Variants in GRM7 observed in about 807,000 individuals in gnomAD.
The protein encoded by GRM7 is glutamate metabotropic receptor 7, also known as metabotropic glutamate receptor 7.
In GRM7, 35 loss-of-function variants were observed where a neutral mutation model predicts 84.5. That is an observed-to-expected ratio of 0.41 (90% CI 0.32 to 0.55). The LOEUF is 0.55. Among genes scored for constraint, GRM7 ranks in the 20% least tolerant of loss-of-function variants. The pLI is 0.19. For synonymous variants in GRM7, 487 were observed against 455.1 expected, an observed-to-expected ratio of 1.07 and a Z score of -0.89; for missense variants, 1,003 against 1,194.6, an observed-to-expected ratio of 0.84 and a Z score of 2.36.
intron 1 of GRM7, among the ~76,000 whole-genome samples, chr3:7,103,239 A>G (rs1027419974): frequency 5.9e-5 from 9 of 151,768 alleles, no homozygotes; most frequent in Non-Finnish European, 1.2e-4. Context: ...AGAATTGTGG[A>G]AACTTTGTTT....
At chr3:7,391,394 T>C (rs1180241016) in intron 4 of GRM7, among the ~76,000 whole-genome samples, 2 of 151,756 alleles carry the variant, frequency 1.3e-5, no homozygotes, top group Admixed American at 6.6e-5. Context: ...AAAGGATGAG[T>C]TCATGTACTT....
Position 7,689,580 on chromosome 3 carries a change from A to G in GRM7, c.2698+9285A>G, listed in dbSNP as rs562799622. Among the ~76,000 whole-genome samples the G allele has an allele frequency of 9.1e-4, 138 of 152,316 alleles. 1 individual carries two copies. The South Asian group carries it at 0.027, about 30-fold the overall frequency. On this transcript the variant is annotated intron_variant, in intron 9 of 9. Transcript: ENST00000357716. ...GGCTTGATATCTCAGCATATCTTCA[A>G]AATCCAATTAATATCTGCCGTCTTG...
intron 4 of GRM7, among the ~76,000 whole-genome samples, chr3:7,406,317 G>C (rs1309509646): frequency 6.6e-6 from 1 of 151,994 alleles, no homozygotes. Context: ...TGGCTAACAA[G>C]GTGCAACCCC....
At chr3:7,202,797 A>G (rs1375452283) in intron 2 of GRM7, among the ~76,000 whole-genome samples, 1 of 152,200 alleles carries the variant, frequency 6.6e-6, no homozygotes, top group African/African-American at 2.4e-5. Context: ...CTGTCTTTTT[A>G]TCTTTATGAA....
chr3:7,326,566 G>T (rs767411898), intron 4 of GRM7, among the ~76,000 whole-genome samples: 2 of 152,044 alleles, frequency 1.3e-5, no homozygotes, highest in African/African-American at 4.8e-5. Context: ...GGAGACTGGG[G>T]GCTGGGCACA....
intron 9 of GRM7, among the ~76,000 whole-genome samples, chr3:7,715,397 C>G (rs974728305): frequency 1.3e-5 from 2 of 152,136 alleles, no homozygotes; most frequent in African/African-American, 4.8e-5. Context: ...CACTTGAACC[C>G]AGGAGTTCAA....
intron 1 of GRM7, among the ~76,000 whole-genome samples, chr3:6,961,013 T>C (rs928302853): frequency 6.6e-6 from 1 of 152,226 alleles, no homozygotes; most frequent in African/African-American, 2.4e-5. Flanking sequence ...TCTCTCACTA[T>C]TTTTGTCCTT....
At chr3:6,934,520 C>A (rs1697619904) in intron 1 of GRM7, among the ~76,000 whole-genome samples, 1 of 152,058 alleles carries the variant, frequency 6.6e-6, no homozygotes, top group African/African-American at 2.4e-5. Flanking sequence ...TCAAAGTTAC[C>A]ATGAAGACAT....
chr3:7,042,949 C>G (rs113429303), intron 1 of GRM7, among the ~76,000 whole-genome samples: 4 of 152,280 alleles, frequency 2.6e-5, no homozygotes, highest in African/African-American at 9.6e-5. Flanking sequence ...TACTTAAAGA[C>G]AGTTTCATCC....
chr3:7,480,847 T>G (rs1699101567), intron 7 of GRM7, among the ~76,000 whole-genome samples: 1 of 152,194 alleles, frequency 6.6e-6, no homozygotes, highest in South Asian at 2.1e-4. Context: ...TCAGATGAGT[T>G]GTGGACCACA....
intron 7 of GRM7, among the ~76,000 whole-genome samples, chr3:7,472,251 C>G (rs901076562): frequency 6.6e-6 from 1 of 152,138 alleles, no homozygotes; most frequent in African/African-American, 2.4e-5. Flanking sequence ...CCAAATCTTT[C>G]TAATTTATAA....
At chr3:7,634,689 G>A (rs184018370) in intron 8 of GRM7, among the ~76,000 whole-genome samples, 52 of 151,884 alleles carry the variant, frequency 3.4e-4, no homozygotes, top group Middle Eastern at 3.4e-3. Flanking sequence ...AGCTACTCGG[G>A]AGGCTGAGGC....
intron 7 of GRM7, among the ~76,000 whole-genome samples, chr3:7,522,899 AAG>A (rs1491406992): frequency 1.4e-5 from 1 of 73,568 alleles, no homozygotes; most frequent in Non-Finnish European, 3.2e-5. Flanking sequence ...TCAAGGAAAC[AAG>A]AGAGAGGTAG....
chr3:7,727,408 T>C (rs1702167058), intron 9 of GRM7, among the ~76,000 whole-genome samples: 2 of 152,202 alleles, frequency 1.3e-5, no homozygotes, highest in Admixed American at 1.3e-4. Flanking sequence ...TTGTTCACAT[T>C]AAAACAAAAA....
At chr3:7,637,129 C>A (rs558451321) in intron 8 of GRM7, among the ~76,000 whole-genome samples, 59 of 152,082 alleles carry the variant, frequency 3.9e-4, no homozygotes, top group Non-Finnish European at 8.1e-4. Flanking sequence ...GAAGACATGT[C>A]CCCTTTATTT....
intron 9 of GRM7, among the ~76,000 whole-genome samples, chr3:7,727,668 G>A (rs1702174016): frequency 1.3e-5 from 2 of 152,116 alleles, no homozygotes; most frequent in South Asian, 2.1e-4. Flanking sequence ...AGTCAATGCC[G>A]ACCCAATTTA....
intron 1 of GRM7, among the ~76,000 whole-genome samples, chr3:6,919,386 T>TTA (rs397944978): frequency 9.4e-4 from 137 of 145,026 alleles, no homozygotes; most frequent in African/African-American, 3.3e-3. Flanking sequence ...TTTTTTTTTT[T>TTA]AATAGAGATG....
chr3:7,560,803 A>G (rs1693987972), intron 7 of GRM7, among the ~76,000 whole-genome samples: 3 of 152,080 alleles, frequency 2.0e-5, no homozygotes, highest in Middle Eastern at 3.2e-3. Flanking sequence ...CCTTCATGTA[A>G]TTCTATCAGC....
Position 7,298,769 on chromosome 3 carries a change from C to T in GRM7, c.822C>T (p.Leu274=), listed in dbSNP as rs1355234132. 1 of 1,613,552 alleles carries T rather than the reference C, an allele frequency of 6.2e-7. No homozygotes were observed. The highest frequency in any genetic ancestry group is 1.3e-5 in the African/African-American group (1 of 74,896). ...ACTTTGATAGAATTATCAAACAGCT[C>T]CTGGACACCCCCAACTCCAGGGCCG... is the stretch of plus-strand genomic sequence containing the variant. The part of the protein sequence containing the change: ...TIDFDRIIKQ[L]LDTPNSRAVV... The change falls in exon 3 of 10, where the codon CTC becomes CTT. Residue 274 remains leucine, a synonymous_variant. Coordinates refer to ENST00000357716, the MANE Select transcript of GRM7 (RefSeq NM_000844.4).
Sources: gnomAD v4.1 joint callset for allele counts (sites outside exome capture counted in the v4.1 genomes callset) on GRCh38, gnomAD v4.1.1 for gene constraint, MANE v1.5 for transcripts, NCBI Gene and HGNC (gene_info 2026-07-23, HGNC 2026-07-21) for gene names.